Variants in SNCAIP observed in about 807,000 individuals in gnomAD.
The protein encoded by SNCAIP is synuclein alpha interacting protein.
SNCAIP carries 43 observed loss-of-function variants against 86.7 expected under a neutral mutation model. The ratio of observed to expected loss-of-function variants is 0.50; its 90% CI spans 0.39 to 0.64. SNCAIP has a LOEUF of 0.64. SNCAIP is among the 30% of genes least tolerant of loss of function. The pLI, the probability that SNCAIP is intolerant of heterozygous loss-of-function variation, is 0.00. For synonymous variants in SNCAIP, 417 were observed against 427.2 expected, an observed-to-expected ratio of 0.98 and a Z score of 0.29; for missense variants, 981 against 1,103.1, an observed-to-expected ratio of 0.89 and a Z score of 1.57.
intron 1 of SNCAIP, among the ~76,000 whole-genome samples, chr5:122,373,770 G>C (rs967170): frequency 0.015 from 2,319 of 152,278 alleles, 34 homozygotes; most frequent in Non-Finnish European, 0.025. Flanking sequence ...CATCAGCCCT[G>C]ACAACTTCAC....
chr5:122,343,581 C>T (rs181457554), intron 1 of SNCAIP, among the ~76,000 whole-genome samples: 8 of 152,282 alleles, frequency 5.3e-5, no homozygotes, highest in Admixed American at 1.3e-4. Flanking sequence ...GATGCTCAAA[C>T]GATGAGACTC....
intron 1 of SNCAIP, among the ~76,000 whole-genome samples, chr5:122,349,212 G>A (rs1351856693): frequency 6.6e-6 from 1 of 152,122 alleles, no homozygotes; most frequent in East Asian, 1.9e-4. Flanking sequence ...TTTGGAACGC[G>A]ATGATCCTCA....
chr5:122,409,936 C>G (rs1773781554), intron 3 of SNCAIP, among the ~76,000 whole-genome samples: 1 of 152,172 alleles, frequency 6.6e-6, no homozygotes, highest in African/African-American at 2.4e-5. Context: ...ATCCATTTCA[C>G]AGGATGTAAT....
chr5:122,370,600 T>C (rs1764095085), intron 1 of SNCAIP, among the ~76,000 whole-genome samples: 1 of 152,302 alleles, frequency 6.6e-6, no homozygotes, highest in East Asian at 1.9e-4. Flanking sequence ...TTCATAGTTA[T>C]CAACAGAAAG....
Position 122,352,105 on chromosome 5 carries a change from A to C in SNCAIP, c.-46-38984A>C, listed in dbSNP as rs575938578. Among the ~76,000 whole-genome samples, 3 of 152,332 alleles carry C rather than the reference A, an allele frequency of 2.0e-5. No homozygotes were observed. In the East Asian group the frequency reaches 5.8e-4, roughly 29 times the overall value. On this transcript the variant is annotated intron_variant, in intron 1 of 10. Transcript: ENST00000261368. ...TTAAATTGGTAAATCAGGTATTTTT[A>C]GTGAAAGTTACTTATCTTTTTGTTT...
intron 1 of SNCAIP, among the ~76,000 whole-genome samples, chr5:122,365,667 A>G (rs1262102310): frequency 1.3e-5 from 2 of 152,204 alleles, no homozygotes; most frequent in Non-Finnish European, 2.9e-5. Flanking sequence ...CGGCAGAGTA[A>G]GACCCTGTCT....
intron 2 of SNCAIP, among the ~76,000 whole-genome samples, chr5:122,402,730 G>A (rs1431915707): frequency 6.6e-6 from 1 of 152,102 alleles, no homozygotes; most frequent in Admixed American, 6.5e-5. Context: ...TTCTTCACTT[G>A]TAATGCTAGA....
chr5:122,436,800 C>T (rs1779587581), intron 6 of SNCAIP: 2 of 152,130 alleles, frequency 1.3e-5, no homozygotes, highest in African/African-American at 2.4e-5. Context: ...TCTCATAAAT[C>T]ACATGAGATA....
intron 8 of SNCAIP, among the ~76,000 whole-genome samples, chr5:122,445,384 G>A (rs1782053747): frequency 6.6e-6 from 1 of 152,080 alleles, no homozygotes. Context: ...AAGTATTTCT[G>A]GGAGATTGTC....
At chr5:122,432,388 G>T (rs1415173892) in intron 6 of SNCAIP, among the ~76,000 whole-genome samples, 1 of 151,988 alleles carries the variant, frequency 6.6e-6, no homozygotes, top group East Asian at 1.9e-4. Flanking sequence ...CTATAATTTA[G>T]CACCAACTTT....
chr5:122,329,663 T>G (rs1754860150), intron 1 of SNCAIP, among the ~76,000 whole-genome samples: 1 of 152,210 alleles, frequency 6.6e-6, no homozygotes, highest in Non-Finnish European at 1.5e-5. Context: ...TTATTAAGAT[T>G]AGAGGAGCAG....
At chr5:122,366,029 G>A (rs753051850) in intron 1 of SNCAIP, among the ~76,000 whole-genome samples, 1 of 152,026 alleles carries the variant, frequency 6.6e-6, no homozygotes, top group South Asian at 2.1e-4. Flanking sequence ...AGTTTAAAGG[G>A]CAAGCAAGTG....
At chr5:122,444,032 G>C (rs982489897) in intron 7 of SNCAIP, 1 of 456,436 alleles carries the variant, frequency 2.2e-6, no homozygotes, top group Non-Finnish European at 4.4e-6. Context: ...CATTGTGGGA[G>C]GGTGGGAGCT....
At chr5:122,318,941 A>C (rs1173254644) in intron 1 of SNCAIP, among the ~76,000 whole-genome samples, 1 of 150,108 alleles carries the variant, frequency 6.7e-6, no homozygotes, top group African/African-American at 2.4e-5. Flanking sequence ...CAGCAGCCCT[A>C]GGTAGGAGGC....
intron 2 of SNCAIP, chr5:122,401,092 C>A (rs1314966421): frequency 6.5e-7 from 1 of 1,550,002 alleles, no homozygotes; most frequent in Admixed American, 2.0e-5. Context: ...ACAGTAGTTG[C>A]TGCCCTGGGA....
chr5:122,403,308 A>G (rs916582204), intron 2 of SNCAIP, among the ~76,000 whole-genome samples: 1 of 152,164 alleles, frequency 6.6e-6, no homozygotes, highest in Non-Finnish European at 1.5e-5. Context: ...AAGTGGCAAC[A>G]TTAGGAACTT....
chr5:122,388,342 G>A (rs1768636819), intron 1 of SNCAIP, among the ~76,000 whole-genome samples: 1 of 152,054 alleles, frequency 6.6e-6, no homozygotes, highest in Non-Finnish European at 1.5e-5. Flanking sequence ...GGCCTCCAAT[G>A]CATGCCCTCT....
At chr5:122,336,217 A>G (rs868580320) in intron 1 of SNCAIP, among the ~76,000 whole-genome samples, 24 of 152,250 alleles carry the variant, frequency 1.6e-4, no homozygotes, top group African/African-American at 5.3e-4. Flanking sequence ...TGTAACAGAT[A>G]CACAGAATGA....
At chr5:122,413,211 A>ATT (rs1774516841) in intron 3 of SNCAIP, among the ~76,000 whole-genome samples, 4 of 152,138 alleles carry the variant, frequency 2.6e-5, no homozygotes, top group African/African-American at 9.7e-5. Context: ...AAATCCCCAA[A>ATT]TGGGTTGGTC....
Sources: allele counts gnomAD v4.1 joint callset (sites outside exome capture counted in the v4.1 genomes callset), GRCh38; gene constraint gnomAD v4.1.1; transcripts MANE v1.5; gene names NCBI Gene and HGNC (gene_info 2026-07-23, HGNC 2026-07-21).